Variants in PHKB observed in about 807,000 individuals in gnomAD.
PHKB encodes phosphorylase b kinase regulatory subunit beta.
In PHKB, 122 loss-of-function variants were observed where a neutral mutation model predicts 152.1. The observed-to-expected ratio is 0.80, with a 90% CI of 0.69 to 0.93. The LOEUF (loss-of-function observed/expected upper bound fraction) is 0.93. Among genes scored for constraint, PHKB ranks in the 40% least tolerant of loss-of-function variants. The pLI is 0.00. For missense variants in PHKB, 1,304 were observed against 1,328.4 expected (o/e 0.98, Z 0.29); for synonymous variants, 436 against 464.9 (o/e 0.94, Z 0.80).
At chr16:47,587,626 T>C in intron 8 of PHKB, 42 bp from the exon 9 acceptor site, 1 of 1,488,738 alleles carries the variant, frequency 6.7e-7, no homozygotes, top group South Asian at 1.1e-5. Flanking sequence ...CTACAAGTCT[T>C]TTTTCTTAAT....
intron 6 of PHKB, among the ~76,000 whole-genome samples, chr16:47,542,120 A>G (rs1971071138): frequency 6.6e-6 from 1 of 152,004 alleles, no homozygotes. Flanking sequence ...TAGGGTTTTT[A>G]TGGTTTTGGG....
chr16:47,490,300 T>C (rs1343796419), intron 1 of PHKB, among the ~76,000 whole-genome samples: 3 of 152,182 alleles, frequency 2.0e-5, no homozygotes, highest in Non-Finnish European at 4.4e-5. Context: ...AAGACAACAA[T>C]TATCTGTGAA....
At chr16:47,553,881 A>G (rs1971318681) in intron 7 of PHKB, among the ~76,000 whole-genome samples, 1 of 152,164 alleles carries the variant, frequency 6.6e-6, no homozygotes, top group Admixed American at 6.5e-5. Context: ...GCAGAACGTC[A>G]AAGATTGCCA....
intron 14 of PHKB, among the ~76,000 whole-genome samples, chr16:47,626,409 A>G (rs926248143): frequency 7.2e-5 from 11 of 152,226 alleles, no homozygotes; most frequent in Non-Finnish European, 1.5e-4. Flanking sequence ...TTAGATGAGC[A>G]TCAAGTGCCA....
intron 13 of PHKB, among the ~76,000 whole-genome samples, chr16:47,599,393 A>G (rs554353911): frequency 6.6e-6 from 1 of 152,310 alleles, no homozygotes; most frequent in African/African-American, 2.4e-5. Context: ...CAAAGCCTCT[A>G]GATAAAATTG....
At chr16:47,500,462 C>G (rs889061643) in intron 3 of PHKB, among the ~76,000 whole-genome samples, 7 of 152,146 alleles carry the variant, frequency 4.6e-5, no homozygotes, top group Non-Finnish European at 8.8e-5. Context: ...GAACTACCTG[C>G]CCACTCTCAT....
chr16:47,655,919 C>T (rs1973327989), intron 20 of PHKB, among the ~76,000 whole-genome samples: 1 of 152,140 alleles, frequency 6.6e-6, no homozygotes, highest in Admixed American at 6.5e-5. Context: ...AGTTTAATGT[C>T]TACTTCACTA....
chr16:47,697,526 CA>C (rs1401759583), intron 29 of PHKB, among the ~76,000 whole-genome samples: 6 of 152,200 alleles, frequency 3.9e-5, no homozygotes, highest in African/African-American at 1.4e-4. Context: ...AGACCTACAG[CA>C]AAACTTCATA....
intron 6 of PHKB, among the ~76,000 whole-genome samples, chr16:47,527,788 C>T (rs1970793280): frequency 6.6e-6 from 1 of 152,092 alleles, no homozygotes; most frequent in Non-Finnish European, 1.5e-5. Context: ...CTGGTGTCCT[C>T]ATAAGGGAAG....
intron 4 of PHKB, among the ~76,000 whole-genome samples, chr16:47,510,946 C>T (rs910307880): frequency 1.3e-5 from 2 of 152,116 alleles, no homozygotes; most frequent in African/African-American, 4.8e-5. Flanking sequence ...GTACTTGTCA[C>T]ATCACTGGCA....
chr16:47,469,277 G>A (rs763800749), intron 1 of PHKB, among the ~76,000 whole-genome samples: 5 of 152,084 alleles, frequency 3.3e-5, no homozygotes, highest in Admixed American at 6.5e-5. Flanking sequence ...TGTTAGACTC[G>A]TACAACTAGG....
chr16:47,566,672 A>T, intron 7 of PHKB: 1 of 861,850 alleles, frequency 1.2e-6, no homozygotes, highest in Non-Finnish European at 2.0e-6. Context: ...CCCCTGGAGC[A>T]GTGGGAAGGA....
chr16:47,490,996 C>T (rs1183035225), intron 1 of PHKB, among the ~76,000 whole-genome samples: 1 of 152,202 alleles, frequency 6.6e-6, no homozygotes, highest in East Asian at 1.9e-4. Context: ...ATTTTCCTAT[C>T]TTCTAATAAT....
intron 7 of PHKB, chr16:47,565,528 T>C: frequency 1.6e-6 from 2 of 1,242,822 alleles, no homozygotes; most frequent in Non-Finnish European, 2.4e-6. Context: ...TTTGGGAGTT[T>C]TAGAAGTTGG....
At chr16:47,465,312 T>C (rs1399720660) in intron 1 of PHKB, among the ~76,000 whole-genome samples, 1 of 152,248 alleles carries the variant, frequency 6.6e-6, no homozygotes, top group Non-Finnish European at 1.5e-5. Context: ...AAAGTGGTTT[T>C]AAGCACTAGC....
intron 1 of PHKB, among the ~76,000 whole-genome samples, chr16:47,497,072 C>T (rs1970244376): frequency 6.6e-6 from 1 of 152,104 alleles, no homozygotes; most frequent in Admixed American, 6.6e-5. Flanking sequence ...TTCTTAATAA[C>T]TAGAATCTAT....
At position 47,594,310 on chromosome 16, in the gene PHKB, T is replaced by TA. The variant is rs1972081703; in HGVS notation, c.1204+97dup. 1.1e-5 allele frequency: 8 copies of TA among 707,144 alleles called. No individual in the cohort carries two copies. The South Asian group carries it at 1.3e-4, about 11-fold the overall frequency. The allele number at this position is 707,144 out of a possible 1,614,324, so 43.8% of individuals were successfully genotyped here. A position where few individuals can be genotyped will look rare whatever the true frequency, so the allele number is the denominator to read the frequency against. ...GTCCTTTGTAAAAAACAATAATTTG[T>TA]ATTAAATTGAAAAAAATGAATGATC... On this transcript the variant is annotated intron_variant, in intron 12 of 30. Coordinates refer to ENST00000323584, the MANE Select transcript of PHKB (RefSeq NM_000293.3).
At chr16:47,665,183 T>C (rs1300582186) in intron 25 of PHKB, 3 of 541,428 alleles carry the variant, frequency 5.5e-6, no homozygotes, top group Non-Finnish European at 3.3e-6. Flanking sequence ...AAATGCTTTT[T>C]ATAAGTCAGC....
intron 16 of PHKB, among the ~76,000 whole-genome samples, chr16:47,644,446 G>A (rs1364301363): frequency 6.6e-6 from 1 of 152,168 alleles, no homozygotes; most frequent in African/African-American, 2.4e-5. Flanking sequence ...CAATTCGAAA[G>A]GAGAAAGAGA....
Sources: allele counts gnomAD v4.1 joint callset (sites outside exome capture counted in the v4.1 genomes callset), GRCh38; gene constraint gnomAD v4.1.1; transcripts MANE v1.5; gene names NCBI Gene and HGNC (gene_info 2026-07-23, HGNC 2026-07-21).